The following GABRB2 variants were observed in gnomAD, a reference collection of about 807,000 sequenced individuals.
GABRB2 encodes gamma-aminobutyric acid receptor subunit beta-2.
A neutral mutation model predicts 54.7 loss-of-function variants in GABRB2; 16 were observed. The ratio of observed to expected loss-of-function variants is 0.29; its 90% CI spans 0.20 to 0.44. The LOEUF (loss-of-function observed/expected upper bound fraction) is 0.44. GABRB2 is among the 20% of genes least tolerant of loss of function. The pLI is 1.00. For missense variants in GABRB2, 355 were observed against 644.0 expected (o/e 0.55, Z 4.86); for synonymous variants, 244 against 233.8 (o/e 1.04, Z -0.40).
intron 8 of GABRB2, among the ~76,000 whole-genome samples, chr5:161,328,115 T>G (rs1233462125): frequency 1.3e-5 from 2 of 152,172 alleles, no homozygotes; most frequent in African/African-American, 2.4e-5. Context: ...TTGATGCAGT[T>G]GATTTGCTAT....
chr5:161,429,357 AAG>A (rs1554100234), intron 4 of GABRB2, among the ~76,000 whole-genome samples: 1 of 108,248 alleles, frequency 9.2e-6, no homozygotes, highest in Admixed American at 9.6e-5. Context: ...AAAAAAAAAA[AAG>A]AAAAAGAAAA....
At position 161,516,949 on chromosome 5, in the gene GABRB2, T is replaced by C. The variant is rs191619308; in HGVS notation, c.237+28278A>G. On this transcript the variant is annotated intron_variant, in intron 3 of 9. Coordinates refer to ENST00000393959, the MANE Select transcript of GABRB2 (RefSeq NM_001371727.1). ...CCCTTTTGTATCTAGTAACAACTTATACTTTACTTCAGAGAGTTAGCAAAC... is the reference window on the plus strand; with the variant it reads ...CCCTTTTGTATCTAGTAACAACTTACACTTTACTTCAGAGAGTTAGCAAAC... 9.1e-4 allele frequency among the ~76,000 whole-genome samples: 139 copies of C among 152,302 alleles called. No homozygotes were observed. The Middle Eastern group carries it at 0.01, about 11-fold the overall frequency.
intron 3 of GABRB2, among the ~76,000 whole-genome samples, chr5:161,530,922 TAACGGTGC>T (rs1760440076): frequency 1.3e-5 from 2 of 152,050 alleles, no homozygotes; most frequent in African/African-American, 4.8e-5. Context: ...CACACTGGCT[TAACGGTGC>T]TTGAAAGAGG....
chr5:161,511,732 C>CCT (rs1030947745), intron 3 of GABRB2, among the ~76,000 whole-genome samples: 5 of 151,870 alleles, frequency 3.3e-5, no homozygotes, highest in African/African-American at 4.8e-5. Flanking sequence ...CTGTTCCAGA[C>CCT]CTCTCTCCTA....
intron 3 of GABRB2, among the ~76,000 whole-genome samples, chr5:161,524,759 T>C (rs1760222672): frequency 6.6e-6 from 1 of 151,332 alleles, no homozygotes. Flanking sequence ...ACCCTCATAT[T>C]ATTTTCTGTA....
At chr5:161,513,068 C>CA (rs566393579) in intron 3 of GABRB2, among the ~76,000 whole-genome samples, 86 of 147,168 alleles carry the variant, frequency 5.8e-4, no homozygotes, top group South Asian at 3.6e-3. Flanking sequence ...AAAAAAAAAA[C>CA]AAAAAAACAA....
chr5:161,441,936 T>C (rs1701174915), intron 4 of GABRB2, among the ~76,000 whole-genome samples: 1 of 152,074 alleles, frequency 6.6e-6, no homozygotes, highest in Admixed American at 6.6e-5. Context: ...TGAAGAAGAA[T>C]GATTACCAGA....
chr5:161,324,818 T>C (rs1000925772), intron 9 of GABRB2, among the ~76,000 whole-genome samples: 2 of 152,114 alleles, frequency 1.3e-5, no homozygotes, highest in African/African-American at 2.4e-5. Flanking sequence ...ACGTTAGAAT[T>C]CATATTTCAA....
At chr5:161,437,096 C>A (rs72813560) in intron 4 of GABRB2, among the ~76,000 whole-genome samples, 2 of 152,012 alleles carry the variant, frequency 1.3e-5, no homozygotes, top group South Asian at 2.1e-4. Context: ...AGTCCTAGGG[C>A]GGATTTAGGC....
At chr5:161,414,929 T>C (rs1000819332) in intron 4 of GABRB2, among the ~76,000 whole-genome samples, 2 of 152,158 alleles carry the variant, frequency 1.3e-5, no homozygotes, top group Non-Finnish European at 2.9e-5. Flanking sequence ...AATTAATCTA[T>C]TCCAAAAAGC....
At chr5:161,529,326 T>C (rs191400429) in intron 3 of GABRB2, among the ~76,000 whole-genome samples, 30 of 152,146 alleles carry the variant, frequency 2.0e-4, no homozygotes, top group African/African-American at 6.5e-4. Flanking sequence ...TTTAGGAAGC[T>C]GGCATGCTGA....
intron 3 of GABRB2, among the ~76,000 whole-genome samples, chr5:161,467,038 T>A (rs1316162577): frequency 6.6e-6 from 1 of 152,120 alleles, no homozygotes; most frequent in Non-Finnish European, 1.5e-5. Flanking sequence ...TATTTTTTAA[T>A]GATCAGAGTT....
At chr5:161,540,443 T>G (rs1405954400) in intron 3 of GABRB2, among the ~76,000 whole-genome samples, 2 of 152,244 alleles carry the variant, frequency 1.3e-5, no homozygotes, top group Admixed American at 6.5e-5. Flanking sequence ...ACTCAGGCCT[T>G]GAACACCTCA....
At chr5:161,387,453 G>A (rs987600916) in intron 5 of GABRB2, among the ~76,000 whole-genome samples, 8 of 152,226 alleles carry the variant, frequency 5.3e-5, no homozygotes, top group African/African-American at 1.9e-4. Flanking sequence ...GTAACCTGAA[G>A]CTTCTTGAAG....
chr5:161,440,439 C>T (rs1281062290), intron 4 of GABRB2, among the ~76,000 whole-genome samples: 1 of 152,060 alleles, frequency 6.6e-6, no homozygotes, highest in Middle Eastern at 3.2e-3. Flanking sequence ...GCAGTAGTAG[C>T]TATACTTATA....
chr5:161,480,342 TAGAG>T (rs1758724786), intron 3 of GABRB2, among the ~76,000 whole-genome samples: 1 of 151,978 alleles, frequency 6.6e-6, no homozygotes, highest in African/African-American at 2.4e-5. Flanking sequence ...ATAATAATAA[TAGAG>T]AGATGATGTT....
chr5:161,449,101 C>T (rs978032400), intron 4 of GABRB2, among the ~76,000 whole-genome samples: 5 of 152,114 alleles, frequency 3.3e-5, no homozygotes, highest in African/African-American at 1.2e-4. Flanking sequence ...CTTTCAGTAC[C>T]TGCTTTCTCA....
intron 9 of GABRB2, among the ~76,000 whole-genome samples, chr5:161,306,891 G>A (rs1030445037): frequency 6.6e-6 from 1 of 152,048 alleles, no homozygotes; most frequent in Non-Finnish European, 1.5e-5. Context: ...AAGCCTGTGC[G>A]CACTGTGTCC....
At chr5:161,464,507 C>G (rs528412876) in intron 3 of GABRB2, among the ~76,000 whole-genome samples, 12 of 152,084 alleles carry the variant, frequency 7.9e-5, no homozygotes, top group Non-Finnish European at 1.5e-4. Flanking sequence ...AAATACAAAA[C>G]TGTCAGCCAT....
Sources: allele counts gnomAD v4.1 joint callset (sites outside exome capture counted in the v4.1 genomes callset), GRCh38; gene constraint gnomAD v4.1.1; transcripts MANE v1.5; gene names NCBI Gene and HGNC (gene_info 2026-07-23, HGNC 2026-07-21).